The following PCDHGA8 variants were observed in gnomAD, a reference collection of about 807,000 sequenced individuals.
PCDHGA8 encodes protocadherin gamma-A8.
A neutral mutation model predicts 59.2 loss-of-function variants in PCDHGA8; 45 were observed. The observed-to-expected ratio is 0.76, with a 90% CI of 0.60 to 0.98. PCDHGA8 has a LOEUF of 0.98. PCDHGA8 is among the 50% of genes least tolerant of loss of function. The probability of loss-of-function intolerance (pLI) is 0.00; values close to 1 mark genes in which losing one functional copy is unlikely to be tolerated. For missense variants in PCDHGA8, 1,257 were observed against 1,196.2 expected (o/e 1.05, Z -0.75); for synonymous variants, 531 against 519.0 (o/e 1.02, Z -0.32).
chr5:141,417,627 G>C, intron 1 of PCDHGA8: 1 of 694,264 alleles, frequency 1.4e-6, no homozygotes, highest in Non-Finnish European at 2.3e-6. Flanking sequence ...AGCAAGCGCT[G>C]ACGCCGGGGA....
chr5:141,448,912 T>C (rs1195715286), intron 1 of PCDHGA8, among the ~76,000 whole-genome samples: 1 of 152,152 alleles, frequency 6.6e-6, no homozygotes, highest in Non-Finnish European at 1.5e-5. Flanking sequence ...GCCACTGCAC[T>C]CCAGCCTGGG....
At chr5:141,413,664 T>G in intron 1 of PCDHGA8, 1 of 1,613,858 alleles carries the variant, frequency 6.2e-7, no homozygotes, top group Non-Finnish European at 8.5e-7. Flanking sequence ...AAGCTATTGA[T>G]CCGGATGTGG....
Position 141,432,917 on chromosome 5 carries a change from C to A in PCDHGA8, c.2424+37680C>A. 6.2e-7 allele frequency: 1 copy of A among 1,614,166 alleles called. No homozygotes were observed. Among genetic ancestry groups the A allele is most frequent in the South Asian group, 1.1e-5 (1 of 91,086 alleles). On this transcript the variant is annotated intron_variant, in intron 1 of 3. Transcript: ENST00000398604. This position sits in a 1 kb window ranked among gnomAD's most constrained non-coding sequence, Gnocchi z 6.0. The stretch of plus-strand genomic sequence containing the variant: ...GCTGGCGCTCAGGCTGCGGCGCTGG[C>A]ACAAGTCACGCCTGCTGCAGGCTTC...
chr5:141,403,832 C>T (rs374600582), intron 1 of PCDHGA8: 1 of 1,613,684 alleles, frequency 6.2e-7, no homozygotes, highest in Non-Finnish European at 8.5e-7. Context: ...GCTATTCCAG[C>T]TTAATGAAAA....
At chr5:141,499,451 T>A (rs1378621877) in intron 2 of PCDHGA8, among the ~76,000 whole-genome samples, 3 of 152,130 alleles carry the variant, frequency 2.0e-5, no homozygotes, top group Non-Finnish European at 4.4e-5. Flanking sequence ...AAACCACCCA[T>A]CATTTTACAA....
intron 1 of PCDHGA8, among the ~76,000 whole-genome samples, chr5:141,448,838 T>C (rs2098609981): frequency 6.6e-6 from 1 of 151,802 alleles, no homozygotes; most frequent in Non-Finnish European, 1.5e-5. Flanking sequence ...CCAGCTACTC[T>C]GGAGGCTGAG....
intron 1 of PCDHGA8, chr5:141,412,460 G>C (rs2095557510): frequency 1.3e-5 from 2 of 152,244 alleles, no homozygotes; most frequent in South Asian, 4.1e-4. Flanking sequence ...AACTATTCTA[G>C]AAGAGTACTT....
intron 1 of PCDHGA8, chr5:141,404,247 T>C: frequency 6.2e-7 from 1 of 1,613,870 alleles, no homozygotes; most frequent in Non-Finnish European, 8.5e-7. Flanking sequence ...ACTCCGCCCC[T>C]GTCCACAGAA....
Position 141,478,407 on chromosome 5 carries a change from C to T in PCDHGA8, c.2425-16400C>T. On this transcript the variant is annotated intron_variant, in intron 1 of 3. Coordinates refer to ENST00000398604, the MANE Select transcript of PCDHGA8 (RefSeq NM_032088.2). The stretch of plus-strand genomic sequence containing the variant: ...CTTTACCATCAGGTGTATCTCACCA[C>T]GGACTCCCGCCGCAGCGACCCGCTG... 1.9e-6 allele frequency: 3 copies of T among 1,613,272 alleles called. No individual in the cohort carries two copies. The highest frequency in any genetic ancestry group is 1.3e-5 in the African/African-American group (1 of 75,072).
At chr5:141,426,432 C>T (rs1239073805) in intron 1 of PCDHGA8, 2 of 295,812 alleles carry the variant, frequency 6.8e-6, no homozygotes, top group African/African-American at 2.2e-5. Flanking sequence ...TGGTGGGGAA[C>T]CTTGCGGAGG....
At chr5:141,418,572 A>G (rs777784393) in intron 1 of PCDHGA8, 5 of 1,613,794 alleles carry the variant, frequency 3.1e-6, no homozygotes, top group Non-Finnish European at 4.2e-6. Flanking sequence ...GCCAATGACA[A>G]CCCCCCAGTG....
chr5:141,461,255 G>A (rs1466460215), intron 1 of PCDHGA8, among the ~76,000 whole-genome samples: 1 of 152,098 alleles, frequency 6.6e-6, no homozygotes. Flanking sequence ...ATTCCCAGCA[G>A]CAATGTGTAA....
At chr5:141,449,658 C>T (rs1413506303) in intron 1 of PCDHGA8, among the ~76,000 whole-genome samples, 5 of 149,582 alleles carry the variant, frequency 3.3e-5, no homozygotes, top group Admixed American at 3.3e-4. Flanking sequence ...TTTACATACA[C>T]ACCCAAGTGT....
chr5:141,413,748 T>C (rs1264580781), intron 1 of PCDHGA8: 2 of 1,613,288 alleles, frequency 1.2e-6, no homozygotes, highest in Non-Finnish European at 1.7e-6. Context: ...GCCGTGCCAA[T>C]GGCGTCAAGT....
At chr5:141,471,309 C>T (rs140651182) in intron 1 of PCDHGA8, 8,212 of 152,202 alleles carry the variant, frequency 0.054, 462 homozygotes, top group African/African-American at 0.15. Flanking sequence ...ACTCGGCCTC[C>T]CAAAGTGCTG....
Position 141,486,266 on chromosome 5 carries a change from C to G in PCDHGA8, c.2425-8541C>G, listed in dbSNP as rs1311684194. On this transcript the variant is annotated intron_variant, in intron 1 of 3. Transcript: ENST00000398604. The surrounding 1 kb of genome is among the most constrained non-coding windows in gnomAD (Gnocchi z 5.0). Reference sequence around the variant, plus strand: ...TGGAACCCTCCCCGAGAGTGCAGAACCTGGCACTGTGGTGGCACTTATCAG... The same window carrying G: ...TGGAACCCTCCCCGAGAGTGCAGAAGCTGGCACTGTGGTGGCACTTATCAG... 1 of 1,614,098 alleles carries G rather than the reference C, an allele frequency of 6.2e-7. No individual in the cohort carries two copies.
intron 1 of PCDHGA8, among the ~76,000 whole-genome samples, chr5:141,433,404 T>TATCTATCA (rs757435896): frequency 6.8e-6 from 1 of 146,200 alleles, no homozygotes; most frequent in Non-Finnish European, 1.5e-5. Flanking sequence ...TCTATCTATC[T>TATCTATCA]ATTACTTTCT....
intron 1 of PCDHGA8, among the ~76,000 whole-genome samples, chr5:141,460,987 ATATATATATGTG>A (rs2099005819): frequency 1.1e-5 from 1 of 92,944 alleles, no homozygotes; most frequent in Admixed American, 9.9e-5. Flanking sequence ...GTGTGTGTAT[ATATATATATGTG>A]TATATATATA....
chr5:141,476,070 C>T lies in PCDHGA8; in HGVS notation c.2425-18737C>T. ...CCCGCTGAAAGTTTCTCAGCGAAAT[C>T]TCAGGGACGATCTGGACCCCGCTGA... is the stretch of plus-strand genomic sequence containing the variant. On this transcript the variant is annotated intron_variant, in intron 1 of 3. Transcript: ENST00000398604. This position sits in a 1 kb window ranked among gnomAD's most constrained non-coding sequence, Gnocchi z 7.6. 6.6e-7 allele frequency: 1 copy of T among 1,522,382 alleles called. No individual in the cohort carries two copies. The highest frequency in any genetic ancestry group is 1.3e-5 in the South Asian group (1 of 77,762). 94.3% of individuals were successfully genotyped at this position (1,522,382 alleles called of 1,614,324 possible). A position where few individuals can be genotyped will look rare whatever the true frequency, so the allele number is the denominator to read the frequency against.
Sources: gnomAD v4.1 joint callset for allele counts (sites outside exome capture counted in the v4.1 genomes callset) on GRCh38, gnomAD v4.1.1 for gene constraint, Gnocchi (gnomAD v3.1) non-coding constraint, MANE v1.5 for transcripts, NCBI Gene and HGNC (gene_info 2026-07-23, HGNC 2026-07-21) for gene names.